The following GAB2 variants were observed in gnomAD, a reference collection of about 807,000 sequenced individuals.
GAB2 encodes the protein GRB2 associated binding protein 2.
In GAB2, 26 loss-of-function variants were observed where a neutral mutation model predicts 65.5. The observed-to-expected ratio is 0.40, with a 90% CI of 0.29 to 0.55. GAB2 has a LOEUF of 0.55. Ranked by LOEUF, GAB2 falls within the 20% of genes least tolerant of loss-of-function variation. The pLI is 0.53. For synonymous variants in GAB2, 321 were observed against 329.6 expected (o/e 0.97, Z 0.28); for missense variants, 884 against 875.8 (o/e 1.01, Z -0.12).
chr11:78,365,695 T>G (rs1017174157), intron 1 of GAB2, among the ~76,000 whole-genome samples: 17 of 152,222 alleles, frequency 1.1e-4, no homozygotes, highest in African/African-American at 3.9e-4. Context: ...AGCAAACTGA[T>G]GACCATTCAT....
intron 1 of GAB2, among the ~76,000 whole-genome samples, chr11:78,304,989 C>T (rs528117807): frequency 6.6e-6 from 1 of 152,186 alleles, no homozygotes; most frequent in Admixed American, 6.5e-5. Context: ...AAAAGCCTTC[C>T]TTACTCTCTC....
intron 1 of GAB2, among the ~76,000 whole-genome samples, chr11:78,410,054 TA>T (rs574921200): frequency 1.3e-5 from 2 of 151,484 alleles, no homozygotes; most frequent in Admixed American, 6.6e-5. Flanking sequence ...TCAAGGAAAG[TA>T]AAAAAAATAT....
intron 1 of GAB2, among the ~76,000 whole-genome samples, chr11:78,406,502 G>A (rs534833591): frequency 9.2e-5 from 14 of 151,910 alleles, no homozygotes; most frequent in Middle Eastern, 6.8e-3. Flanking sequence ...CTCAGCCTCC[G>A]AAGTAGCTGG....
intron 1 of GAB2, among the ~76,000 whole-genome samples, chr11:78,386,550 T>TTTCAAACTGGCTTTCAAACTGGCCCAC (rs1472104458): frequency 3.5e-4 from 54 of 152,360 alleles, no homozygotes; most frequent in African/African-American, 1.1e-3. Context: ...AAACTGGTGC[T>TTTCAAACTGGCTTTCAAACTGGCCCAC]ACACTGCTGC....
chr11:78,367,643 C>T (rs1856513749), intron 1 of GAB2, among the ~76,000 whole-genome samples: 3 of 152,082 alleles, frequency 2.0e-5, no homozygotes. Context: ...TGTCTTAGAA[C>T]ATGTATCATG....
At chr11:78,381,312 T>A (rs1445801526) in intron 1 of GAB2, among the ~76,000 whole-genome samples, 4 of 152,196 alleles carry the variant, frequency 2.6e-5, no homozygotes, top group Non-Finnish European at 5.9e-5. Flanking sequence ...TAGGTTTGAT[T>A]TGAGGATTTA....
rs1480308815 is a variant in GAB2 at position 78,291,548 on chromosome 11, CTTTT to C, written c.76-10651_76-10648del. Among the ~76,000 whole-genome samples the C allele has an allele frequency of 7.5e-5, 5 of 66,316 alleles. No homozygotes were observed. In the Admixed American group the frequency reaches 9.2e-4, roughly 12 times the overall value. 43.5% of individuals were successfully genotyped at this position (66,316 alleles called of 152,430 possible). A position where few individuals can be genotyped will look rare whatever the true frequency, so the allele number is the denominator to read the frequency against. ...ATTCTCCCCTATCTTGAGAGACTTA[CTTTT>C]TTCTTTTTCTTTTTTTTTTTTTTTT... On this transcript the variant is annotated intron_variant, in intron 1 of 9. Transcript: ENST00000361507.
intron 1 of GAB2, among the ~76,000 whole-genome samples, chr11:78,336,590 T>G (rs1414456828): frequency 6.6e-6 from 1 of 151,430 alleles, no homozygotes; most frequent in Non-Finnish European, 1.5e-5. Context: ...AACGGGCACC[T>G]TAAATCTCTA....
intron 3 of GAB2, among the ~76,000 whole-genome samples, chr11:78,245,694 A>G (rs186160111): frequency 9.1e-4 from 138 of 152,344 alleles, no homozygotes; most frequent in African/African-American, 2.8e-3. Context: ...AAACGGAAAA[A>G]TAATCTTTCA....
At chr11:78,227,935 T>C (rs1864731386) in intron 3 of GAB2, among the ~76,000 whole-genome samples, 1 of 152,224 alleles carries the variant, frequency 6.6e-6, no homozygotes, top group African/African-American at 2.4e-5. Flanking sequence ...CCTAGAAATC[T>C]ATATGAAGAA....
chr11:78,393,252 C>G (rs1856856503), intron 1 of GAB2, among the ~76,000 whole-genome samples: 1 of 152,192 alleles, frequency 6.6e-6, no homozygotes, highest in African/African-American at 2.4e-5. Flanking sequence ...TCAGGTCAAT[C>G]TTTTCCCTCC....
chr11:78,287,648 C>G (rs77479865), intron 1 of GAB2, among the ~76,000 whole-genome samples: 1 of 139,718 alleles, frequency 7.2e-6, no homozygotes, highest in African/African-American at 2.8e-5. Context: ...TTGCTCTTAT[C>G]ATTTTTTTTT....
Position 78,220,323 on chromosome 11 carries a change from C to A in GAB2, c.1883G>T (p.Arg628Leu), listed in dbSNP as rs769709400. The change falls in exon 9 of 10, where the codon CGC (arginine) becomes CTC (leucine). Residue 628 changes from arginine to leucine, a missense_variant. Coordinates refer to ENST00000361507, the MANE Select transcript of GAB2 (RefSeq NM_080491.3). ...CCCCAACTCTACTCCAGGCACCTTG[C>A]GGTGGGGGCTTGGGGAGCTCGGCTG... Reference protein sequence around the residue: ...DFQPSSPSPHRKPSTSSVTSD... With the variant: ...DFQPSSPSPHLKPSTSSVTSD... The A allele has an allele frequency of 3.1e-6, 5 of 1,611,998 alleles. No individual in the cohort carries two copies. The East Asian group carries it at 8.9e-5, about 29-fold the overall frequency.
At chr11:78,397,895 C>G (rs1856921380) in intron 1 of GAB2, among the ~76,000 whole-genome samples, 1 of 152,056 alleles carries the variant, frequency 6.6e-6, no homozygotes, top group African/African-American at 2.4e-5. Context: ...CTGTTGGTAT[C>G]CAAAAAAGTA....
intron 1 of GAB2, among the ~76,000 whole-genome samples, chr11:78,357,429 TA>T (rs1402755579): frequency 6.6e-6 from 1 of 152,054 alleles, no homozygotes; most frequent in Non-Finnish European, 1.5e-5. Flanking sequence ...CTAACTAAAC[TA>T]AAGAGCTTCT....
chr11:78,400,632 G>A (rs988115539), intron 1 of GAB2, among the ~76,000 whole-genome samples: 1 of 152,194 alleles, frequency 6.6e-6, no homozygotes, highest in African/African-American at 2.4e-5. Flanking sequence ...GCCAGGCGCA[G>A]TGGCTCATGT....
chr11:78,369,838 A>T (rs1294602989), intron 1 of GAB2, among the ~76,000 whole-genome samples: 2 of 152,168 alleles, frequency 1.3e-5, no homozygotes, highest in African/African-American at 4.8e-5. Context: ...CCAGAACGTT[A>T]TTCACCTAAA....
chr11:78,370,005 C>A (rs1423707636), intron 1 of GAB2, among the ~76,000 whole-genome samples: 2 of 152,066 alleles, frequency 1.3e-5, no homozygotes, highest in Admixed American at 6.6e-5. Context: ...CGCCTGTAAT[C>A]CCAGCACTTT....
intron 1 of GAB2, among the ~76,000 whole-genome samples, chr11:78,404,095 C>A (rs1388045659): frequency 6.6e-6 from 1 of 152,126 alleles, no homozygotes; most frequent in Non-Finnish European, 1.5e-5. Flanking sequence ...TCTAGCAATC[C>A]CACTGCTGGC....
Sources: gnomAD v4.1 joint callset for allele counts (sites outside exome capture counted in the v4.1 genomes callset) on GRCh38, gnomAD v4.1.1 for gene constraint, MANE v1.5 for transcripts, NCBI Gene and HGNC (gene_info 2026-07-23, HGNC 2026-07-21) for gene names.